WWOX: variants seen among roughly 807,000 people sequenced by gnomAD.
WWOX encodes WW domain containing oxidoreductase.
A neutral mutation model predicts 46.2 loss-of-function variants in WWOX; 69 were observed. The observed-to-expected ratio is 1.49, with a 90% confidence interval of 1.23 to 1.82. WWOX has a LOEUF of 1.82. Ranked by LOEUF, WWOX falls within the 40% of genes most tolerant of loss-of-function variation. WWOX has a pLI of 0.00. For missense variants in WWOX, 919 were observed against 542.6 expected (o/e 1.69, Z -6.89); for synonymous variants, 359 against 202.6 (o/e 1.77, Z -6.56).
intron 5 of WWOX, among the ~76,000 whole-genome samples, chr16:78,248,067 A>T (rs187907252): frequency 6.6e-6 from 1 of 152,140 alleles, no homozygotes; most frequent in African/African-American, 2.4e-5. Context: ...TCCATCCTCT[A>T]TGTGTGTATT....
At chr16:79,202,921 A>G (rs987527405) in intron 8 of WWOX, 1 of 152,228 alleles carries the variant, frequency 6.6e-6, no homozygotes, top group Non-Finnish European at 1.5e-5. Context: ...TGCATGATAG[A>G]ATGCAAACTT....
intron 5 of WWOX, among the ~76,000 whole-genome samples, chr16:78,306,747 C>T (rs1181558559): frequency 6.6e-6 from 1 of 151,820 alleles, no homozygotes; most frequent in Non-Finnish European, 1.5e-5. Context: ...GTGAGCCCCA[C>T]TCTGTCCCAT....
At chr16:79,132,517 C>G (rs1267828376) in intron 8 of WWOX, among the ~76,000 whole-genome samples, 1 of 152,132 alleles carries the variant, frequency 6.6e-6, no homozygotes, top group Non-Finnish European at 1.5e-5. Context: ...GGGAGGTAGT[C>G]TTTTCAGGAA....
intron 8 of WWOX, among the ~76,000 whole-genome samples, chr16:78,924,090 T>G (rs546570532): frequency 2.3e-4 from 35 of 152,260 alleles, no homozygotes; most frequent in African/African-American, 8.4e-4. Flanking sequence ...GTGCTGGGAT[T>G]ACAGACATGA....
intron 8 of WWOX, among the ~76,000 whole-genome samples, chr16:78,718,077 C>T (rs112762103): frequency 4.2e-5 from 3 of 71,626 alleles, no homozygotes; most frequent in Non-Finnish European, 8.7e-5. Flanking sequence ...GGATTTCAAA[C>T]AAGGGGTTCT....
In WWOX at chr16:78,576,650, T is replaced by C. The variant is rs1369160038; in HGVS notation, c.1056+143898T>C. Among the ~76,000 whole-genome samples the C allele has an allele frequency of 2.6e-5, 4 of 152,160 alleles. No individual in the cohort carries two copies. In the East Asian group the frequency reaches 7.7e-4, roughly 29 times the overall value. ...AAGTTTGTGACCAGCCTGGGCACTA[T>C]AGTGAGACCCTGTCTCTACTCACAT... On this transcript the variant is annotated intron_variant, in intron 8 of 8. Transcript: ENST00000566780.
chr16:78,235,091 C>T (rs534084279), intron 5 of WWOX, among the ~76,000 whole-genome samples: 5 of 151,370 alleles, frequency 3.3e-5, no homozygotes, highest in African/African-American at 7.3e-5. Flanking sequence ...TAATGATGTT[C>T]GTGATGTTAA....
intron 8 of WWOX, among the ~76,000 whole-genome samples, chr16:78,499,764 A>G (rs1041851013): frequency 2.0e-5 from 3 of 152,208 alleles, no homozygotes; most frequent in African/African-American, 7.2e-5. Flanking sequence ...CCTCTGTCAA[A>G]TACATCCGTG....
At chr16:78,725,060 C>T (rs985031924) in intron 8 of WWOX, among the ~76,000 whole-genome samples, 2 of 152,024 alleles carry the variant, frequency 1.3e-5, no homozygotes, top group African/African-American at 2.4e-5. Flanking sequence ...GTGGGAGGGA[C>T]CGGGTGGGAG....
intron 8 of WWOX, among the ~76,000 whole-genome samples, chr16:78,857,656 A>G (rs568958961): frequency 1.3e-5 from 2 of 152,218 alleles, no homozygotes; most frequent in Non-Finnish European, 2.9e-5. Flanking sequence ...ATTTTCCTAT[A>G]AAATGCCTCC....
intron 8 of WWOX, among the ~76,000 whole-genome samples, chr16:78,846,353 T>C (rs2052298541): frequency 6.6e-6 from 1 of 152,156 alleles, no homozygotes; most frequent in Non-Finnish European, 1.5e-5. Flanking sequence ...TCTTCCTTCT[T>C]TTACAACCAG....
chr16:78,118,214 C>G (rs1295127619), intron 4 of WWOX, among the ~76,000 whole-genome samples: 1 of 151,782 alleles, frequency 6.6e-6, no homozygotes, highest in Non-Finnish European at 1.5e-5. Flanking sequence ...TCATCATTTT[C>G]CTCTCTGCAG....
At chr16:78,142,864 G>C (rs576086671) in intron 4 of WWOX, among the ~76,000 whole-genome samples, 41 of 152,192 alleles carry the variant, frequency 2.7e-4, no homozygotes, top group African/African-American at 9.6e-4. Context: ...TTCAATATTC[G>C]ATGTTAAATT....
At chr16:78,224,751 T>A (rs976917969) in intron 5 of WWOX, among the ~76,000 whole-genome samples, 1 of 152,240 alleles carries the variant, frequency 6.6e-6, no homozygotes, top group South Asian at 2.1e-4. Context: ...AGGCTACTAT[T>A]TTCCAGTATC....
At chr16:78,114,904 G>C (rs1266545301) in intron 3 of WWOX, 72 bp from the exon 4 acceptor site, 2 of 1,599,910 alleles carry the variant, frequency 1.3e-6, no homozygotes, top group Admixed American at 1.7e-5. Flanking sequence ...TTTTCCTAAA[G>C]TATAAGATTG....
intron 8 of WWOX, chr16:78,552,325 G>C (rs2044193800): frequency 6.6e-6 from 1 of 152,214 alleles, no homozygotes; most frequent in African/African-American, 2.4e-5. Context: ...GGATCCAGGA[G>C]GGGAGAAGGC....
intron 6 of WWOX, among the ~76,000 whole-genome samples, chr16:78,411,794 A>C (rs1191021813): frequency 6.6e-6 from 1 of 152,214 alleles, no homozygotes; most frequent in Admixed American, 6.5e-5. Flanking sequence ...ACATGGAGTG[A>C]CATGAAGTCA....
chr16:78,809,064 G>A (rs1236164188), intron 8 of WWOX, among the ~76,000 whole-genome samples: 1 of 151,990 alleles, frequency 6.6e-6, no homozygotes, highest in East Asian at 1.9e-4. Flanking sequence ...TGAGCTATGG[G>A]CCCCGAGAAA....
At chr16:78,772,020 G>T (rs980107102) in intron 8 of WWOX, among the ~76,000 whole-genome samples, 1 of 152,166 alleles carries the variant, frequency 6.6e-6, no homozygotes. Flanking sequence ...TACTGGAAAT[G>T]TTAATTGGAC....
Sources: allele counts gnomAD v4.1 joint callset (sites outside exome capture counted in the v4.1 genomes callset), GRCh38; gene constraint gnomAD v4.1.1; transcripts MANE v1.5; gene names NCBI Gene and HGNC (gene_info 2026-07-23, HGNC 2026-07-21).